The following CFLAR variants were observed in gnomAD, a reference collection of about 807,000 sequenced individuals.
CFLAR encodes the protein CASP8 and FADD like apoptosis regulator.
CFLAR carries 14 observed loss-of-function variants against 51.1 expected under a neutral mutation model. The ratio of observed to expected loss-of-function variants is 0.27; its 90% confidence interval spans 0.18 to 0.43. The LOEUF (loss-of-function observed/expected upper bound fraction) is 0.43, where lower values mean the gene tolerates loss of function less well. Ranked by LOEUF, CFLAR falls within the 20% of genes least tolerant of loss-of-function variation. The pLI, the probability that CFLAR is intolerant of heterozygous loss-of-function variation, is 1.00. For synonymous variants in CFLAR, 210 were observed against 211.6 expected (o/e 0.99, Z 0.06); for missense variants, 390 against 566.5 (o/e 0.69, Z 3.16).
Position 201,118,996 on chromosome 2 carries a change from G to C in CFLAR, c.-138+2515G>C, listed in dbSNP as rs1004945190. On this transcript the variant is annotated intron_variant, in intron 1 of 9. Coordinates refer to ENST00000309955, the MANE Select transcript of CFLAR (RefSeq NM_003879.7). This position sits in a 1 kb window ranked among gnomAD's most constrained non-coding sequence, Gnocchi z 5.1. ...GGGGCACTGTCCCCCGATACTGGCA[G>C]AAAAGGATTGAGTCCTCGCTTTTGG... 6.6e-6 allele frequency: 1 copy of C among 152,272 alleles called. No homozygotes were observed. The highest frequency in any genetic ancestry group is 1.5e-5 in the Non-Finnish European group (1 of 68,102). 9.4% of individuals were successfully genotyped at this position (152,272 alleles called of 1,614,324 possible).
At chr2:201,129,681 A>G (rs1463427565) in intron 1 of CFLAR, 48 bp from the exon 2 acceptor site, 4 of 587,054 alleles carry the variant, frequency 6.8e-6, no homozygotes, top group African/African-American at 5.6e-5. Context: ...AATCTTAGGC[A>G]TAAGTTAGCT....
In CFLAR at chr2:201,124,858, G is replaced by C. The variant is rs1372665458; in HGVS notation, c.-137-4871G>C. On this transcript the variant is annotated intron_variant, in intron 1 of 9. Transcript: ENST00000309955. The surrounding 1 kb of genome is among the most constrained non-coding windows in gnomAD (Gnocchi z 4.7). ...TATAGTGGTGTGAGCTCAGCCAAGG[G>C]AGAAGAGTTTCAAGGAGGGATGAAT... Among the ~76,000 whole-genome samples, 1 of 152,048 alleles carries C rather than the reference G, an allele frequency of 6.6e-6. No individual in the cohort carries two copies. The highest frequency in any genetic ancestry group is 1.5e-5 in the Non-Finnish European group (1 of 68,004).
At chr2:201,161,074 G>T (rs886144339) in intron 9 of CFLAR, 132 bp downstream of exon 9, 13 of 645,450 alleles carry the variant, frequency 2.0e-5, no homozygotes, top group Middle Eastern at 8.4e-4. Context: ...CCTGCATTGG[G>T]CTTGCCCTAG....
rs1339999825 is a variant in CFLAR at position 201,168,552 on chromosome 2, A to G, written c.*4579A>G. ...GCAAAAGCTGGAAGCATTCCCCTTG[A>G]AAACTGGCACAAGACAGGGATGCCG... On this transcript the variant is annotated 3_prime_UTR_variant, in exon 10 of 10. Coordinates refer to ENST00000309955, the MANE Select transcript of CFLAR (RefSeq NM_003879.7). 3 of 152,212 alleles carry G rather than the reference A, an allele frequency of 2.0e-5. No individual in the cohort carries two copies. The highest frequency in any genetic ancestry group is 4.4e-5 in the Non-Finnish European group (3 of 68,040). 9.4% of individuals were successfully genotyped at this position (152,212 alleles called of 1,614,324 possible).
In CFLAR at chr2:201,129,749, T is replaced by G; in HGVS notation, c.-117T>G. ...CACAGAACTCCCCCACTGGAAAGGA[T>G]TCTGAAAGAAATGAAGTCAGCCCTC... On this transcript the variant is annotated 5_prime_UTR_variant, in exon 2 of 10. Transcript: ENST00000309955. 1.0e-6 allele frequency: 1 copy of G among 965,090 alleles called. No individual in the cohort carries two copies. The highest frequency in any genetic ancestry group is 1.6e-6 in the Non-Finnish European group (1 of 636,794). The allele number at this position is 965,090 out of a possible 1,614,324, so 59.8% of individuals were successfully genotyped here.
intron 1 of CFLAR, among the ~76,000 whole-genome samples, chr2:201,121,293 G>A (rs1053677202): frequency 5.3e-5 from 8 of 152,330 alleles, no homozygotes; most frequent in Middle Eastern, 3.4e-3. Flanking sequence ...ATAGCACAAA[G>A]CTATACCCCC....
chr2:201,132,134 C>T (rs749297636), intron 2 of CFLAR, among the ~76,000 whole-genome samples: 1 of 152,018 alleles, frequency 6.6e-6, no homozygotes, highest in Non-Finnish European at 1.5e-5. Context: ...CATTTCCTTG[C>T]TATGATGAGT....
At chr2:201,149,977 C>T (rs1448830483) in intron 8 of CFLAR, 142 bp downstream of exon 8, 1 of 619,676 alleles carries the variant, frequency 1.6e-6, no homozygotes, top group South Asian at 1.8e-5. Context: ...TGCGGTGGCT[C>T]ATGCCTGGAA....
In CFLAR at chr2:201,140,437, A is replaced by C. The variant is rs773046454; in HGVS notation, c.604A>C (p.Arg202=). 6.3e-7 allele frequency: 1 copy of C among 1,594,832 alleles called. No homozygotes were observed. Among genetic ancestry groups the C allele is most frequent in the Non-Finnish European group, 8.5e-7 (1 of 1,173,814 alleles). The change falls in exon 5 of 10, where the codon AGG becomes CGG. Residue 202 remains arginine (R), a splice_region_variant and synonymous_variant. Transcript: ENST00000309955. ...TCTCAAGGATCCTTCAAATAACTTC[A>C]GGGTGAGTCTGGAGAAAACATATGG... ...KSLKDPSNNF[R]LHNGRSKEQR...
At position 201,133,238 on chromosome 2, in the gene CFLAR, G is replaced by A. The variant is rs11681674; in HGVS notation, c.387+104G>A. 2,951 of 755,868 alleles carry A rather than the reference G, an allele frequency of 3.9e-3. 14 individuals are homozygous for A. Among genetic ancestry groups the A allele is most frequent in the Non-Finnish European group, 5.8e-3 (2,516 of 436,244 alleles). The allele number at this position is 755,868 out of a possible 1,614,324, so 46.8% of individuals were successfully genotyped here. ...AAGCAGGCAGTCTGCCGCCACTATA[G>A]TGGGAGTCAGACATCTCAGGTGGCT... On this transcript the variant is annotated intron_variant, in intron 3 of 9. Transcript: ENST00000309955.
At chr2:201,123,013 C>T (rs1353985934) in intron 1 of CFLAR, among the ~76,000 whole-genome samples, 1 of 152,128 alleles carries the variant, frequency 6.6e-6, no homozygotes, top group African/African-American at 2.4e-5. Context: ...GTGGGCAATC[C>T]GTTGTGTAAG....
chr2:201,145,420 C>G lies in CFLAR; in HGVS notation c.649C>G (p.Leu217Val), dbSNP rs566120564. ...RSKEQRLKEQ[L>V]GAQQEPVKKS... is the part of the protein sequence containing the mutation. ...TAAAGAACAAAGACTTAAGGAACAGCTTGGCGCTCAACGTAAGACCACCTT... is the reference window on the plus strand; with the variant it reads ...TAAAGAACAAAGACTTAAGGAACAGGTTGGCGCTCAACGTAAGACCACCTT... The change falls in exon 6 of 10, where the codon CTT becomes GTT. Residue 217 changes from leucine to valine, a missense_variant. Leu to Val is a conservative substitution (Grantham distance 32). Around this residue, in one of 2 missense-constraint regions of CFLAR, gnomAD observed 287 missense variants for 363.6 expected, o/e 0.79. Coordinates refer to ENST00000309955, the MANE Select transcript of CFLAR (RefSeq NM_003879.7). 1 of 1,605,334 alleles carries G rather than the reference C, an allele frequency of 6.2e-7. No homozygotes were observed. The highest frequency in any genetic ancestry group is 1.3e-5 in the African/African-American group (1 of 74,818).
At position 201,118,883 on chromosome 2, in the gene CFLAR, A is replaced by G; in HGVS notation, c.-138+2402A>G. On this transcript the variant is annotated intron_variant, in intron 1 of 9. Transcript: ENST00000309955. The surrounding 1 kb of genome is among the most constrained non-coding windows in gnomAD (Gnocchi z 5.1). ...GTCCCGGCGGAGATCCAGTGGGAAG[A>G]GCCGGCGGCTGCCCGGGCGTGAGTA... 1 of 152,412 alleles carries G rather than the reference A, an allele frequency of 6.6e-6. No homozygotes were observed. Among genetic ancestry groups the G allele is most frequent in the Non-Finnish European group, 1.5e-5 (1 of 68,180 alleles). The allele number at this position is 152,412 out of a possible 1,614,324, so 9.4% of individuals were successfully genotyped here.
intron 8 of CFLAR, chr2:201,153,400 G>GCTCTTCATTTCCCTCCTC (rs1941610339): frequency 1.3e-5 from 2 of 152,262 alleles, no homozygotes; most frequent in African/African-American, 4.8e-5. Flanking sequence ...TAGGCCTCCA[G>GCTCTTCATTTCCCTCCTC]CTCTTCATTT....
At chr2:201,158,849 C>CATT (rs201037431) in intron 8 of CFLAR, among the ~76,000 whole-genome samples, 6,983 of 143,526 alleles carry the variant, frequency 0.049, 229 homozygotes, top group Non-Finnish European at 0.072. Flanking sequence ...CATTTGCCCT[C>CATT]ATCATTATTA....
intron 9 of CFLAR, chr2:201,163,395 C>G (rs542983406): frequency 1.7e-6 from 2 of 1,144,048 alleles, no homozygotes; most frequent in South Asian, 2.3e-5. Flanking sequence ...AGCCACCTGT[C>G]AAATGCATTC....
In CFLAR at chr2:201,160,536, C is replaced by T; in HGVS notation, c.898C>T (p.Pro300Ser). The change falls in exon 9 of 10, where the codon CCC (proline) becomes TCC (serine). Residue 300 changes from proline (P) to serine (S), a missense_variant. By Grantham distance (74) the Pro-to-Ser change is moderately conservative. Coordinates refer to ENST00000309955, the MANE Select transcript of CFLAR (RefSeq NM_003879.7). ...GATTCTTGGCCAATTTGCCTGTATG[C>T]CCGAGCACCGAGACTACGACAGCTT... ...SQILGQFACM[P>S]EHRDYDSFVC... The T allele has an allele frequency of 6.2e-7, 1 of 1,613,026 alleles. No individual in the cohort carries two copies.
chr2:201,168,256 AAATAAAT>A lies in CFLAR; in HGVS notation c.*4293_*4299del, dbSNP rs1260028535. ...GACTCTGTCTCAAAAATAAATAAATAAATAAATAATAAATAAAATGTTTGGAATGTTG... is the reference window on the plus strand; with the variant it reads ...GACTCTGTCTCAAAAATAAATAAATAAATAAATAAAATGTTTGGAATGTTG... On this transcript the variant is annotated 3_prime_UTR_variant, in exon 10 of 10. Transcript: ENST00000309955. 2.0e-5 allele frequency: 3 copies of A among 152,078 alleles called. No individual in the cohort carries two copies. In the East Asian group the frequency reaches 5.8e-4, roughly 29 times the overall value. 9.4% of individuals were successfully genotyped at this position (152,078 alleles called of 1,614,324 possible).
chr2:201,128,447 A>C (rs1003400232), intron 1 of CFLAR, among the ~76,000 whole-genome samples: 1 of 152,244 alleles, frequency 6.6e-6, no homozygotes, highest in African/African-American at 2.4e-5. Context: ...ACAAATAATC[A>C]TATTTAAGTG....
Sources: allele counts gnomAD v4.1 joint callset (sites outside exome capture counted in the v4.1 genomes callset), GRCh38; gene constraint gnomAD v4.1.1; regional missense constraint gnomAD v4.1.1; non-coding constraint Gnocchi (gnomAD v3.1); transcripts MANE v1.5; gene names NCBI Gene and HGNC (gene_info 2026-07-23, HGNC 2026-07-21).